The following SPPL3 variants were observed in gnomAD, a reference collection of about 807,000 sequenced individuals.
SPPL3 encodes the protein signal peptide peptidase like 3.
Under a neutral mutation model 42.4 loss-of-function variants are expected in SPPL3, and 5 were observed. The observed-to-expected ratio is 0.12, with a 90% CI of 0.06 to 0.25. The LOEUF (loss-of-function observed/expected upper bound fraction) is 0.25. Ranked by LOEUF, SPPL3 falls within the 10% of genes least tolerant of loss-of-function variation. The pLI, the probability that SPPL3 is intolerant of heterozygous loss-of-function variation, is 1.00. For synonymous variants in SPPL3, 195 were observed against 181.8 expected (o/e 1.07, Z -0.58); for missense variants, 235 against 489.0 (o/e 0.48, Z 4.90).
intron 1 of SPPL3, among the ~76,000 whole-genome samples, chr12:120,827,955 T>C (rs577376558): frequency 5.5e-4 from 84 of 152,240 alleles, no homozygotes; most frequent in Non-Finnish European, 9.9e-4. Context: ...ACCTAGCTAA[T>C]TTTTGTATTT....
At chr12:120,877,103 C>T (rs1470214159) in intron 1 of SPPL3, among the ~76,000 whole-genome samples, 5 of 151,782 alleles carry the variant, frequency 3.3e-5, no homozygotes, top group Non-Finnish European at 5.9e-5. Context: ...AATTAGACTA[C>T]GTAGATGAAA....
chr12:120,838,168 G>A (rs923382642), intron 1 of SPPL3, among the ~76,000 whole-genome samples: 1 of 152,194 alleles, frequency 6.6e-6, no homozygotes, highest in African/African-American at 2.4e-5. Context: ...ACATAGACAC[G>A]AAAGGCTAGA....
At chr12:120,815,849 C>A (rs1347227568) in intron 1 of SPPL3, among the ~76,000 whole-genome samples, 4 of 152,124 alleles carry the variant, frequency 2.6e-5, no homozygotes, top group Non-Finnish European at 2.9e-5. Context: ...CTGCCTCAGC[C>A]TCCCAAGTAG....
intron 1 of SPPL3, among the ~76,000 whole-genome samples, chr12:120,844,825 C>A (rs920703540): frequency 6.6e-6 from 1 of 151,928 alleles, no homozygotes; most frequent in Admixed American, 6.6e-5. Context: ...GGCCTACATC[C>A]CCTCTCAGCA....
chr12:120,841,409 T>A (rs1379667620), intron 1 of SPPL3, among the ~76,000 whole-genome samples: 1 of 140,852 alleles, frequency 7.1e-6, no homozygotes, highest in African/African-American at 2.8e-5. Context: ...GCTAGTGTAC[T>A]TTTAAGTTAA....
Position 120,810,831 on chromosome 12 carries a change from G to C in SPPL3, c.79C>G (p.Leu27Val). 1 of 1,612,550 alleles carries C rather than the reference G, an allele frequency of 6.2e-7. No homozygotes were observed. The highest frequency in any genetic ancestry group is 2.2e-5 in the East Asian group (1 of 44,798). ...TACCTGAAACTACCATAGACTATAA[G>C]AAGAATGGAAATCAGAAATGTAGAC... ...QVSTFLISIL[L>V]IVYGSFRSLN... The change falls in exon 2 of 11, where the codon CTT (leucine) becomes GTT (valine). Residue 27 changes from leucine (L) to valine (V), a missense_variant. Coordinates refer to ENST00000353487, the MANE Select transcript of SPPL3 (RefSeq NM_139015.5).
rs1164272443 is a variant in SPPL3 at position 120,779,820 on chromosome 12, C to CAAAAAAAAAAAAAAA, written c.502+2820_502+2834dup. Among the ~76,000 whole-genome samples the CAAAAAAAAAAAAAAA allele has an allele frequency of 2.1e-4, 9 of 42,774 alleles. 1 individual carries two copies. Among genetic ancestry groups the CAAAAAAAAAAAAAAA allele is most frequent in the Admixed American group, 7.3e-4 (2 of 2,752 alleles). 28.1% of individuals were successfully genotyped at this position (42,774 alleles called of 152,430 possible). A position where few individuals can be genotyped will look rare whatever the true frequency, so the allele number is the denominator to read the frequency against. On this transcript the variant is annotated intron_variant, in intron 6 of 10. Transcript: ENST00000353487. ...CGAAACCTTGTCTCTACTAAAAATA[C>CAAAAAAAAAAAAAAA]AAAAAAAAAAAAAAAAAAAAAAAAA...
Position 120,819,120 on chromosome 12 carries a change from GA to G in SPPL3, c.24-8235del, listed in dbSNP as rs530361221. ...GAAGGAGTACTTCATAGCCTTTTCAGATAACTATCAATATTCTTCTTTGATA... is the reference window on the plus strand; with the variant it reads ...GAAGGAGTACTTCATAGCCTTTTCAGTAACTATCAATATTCTTCTTTGATA... On this transcript the variant is annotated intron_variant, in intron 1 of 10. Transcript: ENST00000353487. Among the ~76,000 whole-genome samples, 693 of 152,286 alleles carry G rather than the reference GA, an allele frequency of 4.6e-3. 7 individuals carry two copies. Among genetic ancestry groups the G allele is most frequent in the Middle Eastern group, 0.014 (4 of 294 alleles).
At chr12:120,779,184 T>C (rs1000694347) in intron 6 of SPPL3, among the ~76,000 whole-genome samples, 2 of 152,216 alleles carry the variant, frequency 1.3e-5, no homozygotes, top group African/African-American at 4.8e-5. Context: ...ATAAGATCAG[T>C]ACTTAGAAAC....
At chr12:120,885,870 TTGAGACA>T (rs1873437709) in intron 1 of SPPL3, among the ~76,000 whole-genome samples, 1 of 103,428 alleles carries the variant, frequency 9.7e-6, no homozygotes, top group East Asian at 2.9e-4. Flanking sequence ...TTTTTTTTTT[TTGAGACA>T]GAGTTTTGCT....
intron 1 of SPPL3, among the ~76,000 whole-genome samples, chr12:120,853,976 GCACACATACACACA>G (rs1160959270): frequency 9.4e-5 from 6 of 64,146 alleles, no homozygotes; most frequent in Non-Finnish European, 1.8e-4. Context: ...CCACACACAC[GCACACATACACACA>G]CACACACACA....
intron 1 of SPPL3, among the ~76,000 whole-genome samples, chr12:120,841,011 C>T (rs1242834859): frequency 6.6e-6 from 1 of 151,870 alleles, no homozygotes; most frequent in Non-Finnish European, 1.5e-5. Context: ...ATGAATTTTA[C>T]GGTCCGTGAA....
chr12:120,880,003 A>C (rs1483560130), intron 1 of SPPL3, among the ~76,000 whole-genome samples: 1 of 147,850 alleles, frequency 6.8e-6, no homozygotes, highest in Non-Finnish European at 1.5e-5. Context: ...TTCACTTTTC[A>C]TTCCTCGGTT....
intron 2 of SPPL3, among the ~76,000 whole-genome samples, chr12:120,796,113 C>A (rs148818068): frequency 6.6e-6 from 1 of 152,106 alleles, no homozygotes; most frequent in African/African-American, 2.4e-5. Flanking sequence ...CAGTGGTTCA[C>A]GACTGTGATC....
intron 1 of SPPL3, among the ~76,000 whole-genome samples, chr12:120,818,097 T>C (rs1870940421): frequency 6.6e-6 from 1 of 152,176 alleles, no homozygotes; most frequent in African/African-American, 2.4e-5. Flanking sequence ...TCAACAGAAA[T>C]GTGTCATTCT....
At chr12:120,826,222 G>T (rs1027955956) in intron 1 of SPPL3, among the ~76,000 whole-genome samples, 2 of 150,716 alleles carry the variant, frequency 1.3e-5, no homozygotes, top group African/African-American at 4.9e-5. Context: ...GAACCTGGGA[G>T]GCAGAGGTGG....
chr12:120,774,017 T>C (rs549618454), intron 6 of SPPL3, among the ~76,000 whole-genome samples: 4 of 152,342 alleles, frequency 2.6e-5, no homozygotes, highest in African/African-American at 9.6e-5. Context: ...ATTCATCTCA[T>C]GCTAATCCTC....
At chr12:120,792,526 C>T (rs553655459) in intron 2 of SPPL3, among the ~76,000 whole-genome samples, 49 of 151,770 alleles carry the variant, frequency 3.2e-4, no homozygotes, top group African/African-American at 1.0e-3. Flanking sequence ...ATGGTGAAAC[C>T]CCGTTTCTAC....
intron 1 of SPPL3, among the ~76,000 whole-genome samples, chr12:120,817,042 C>G (rs1380293832): frequency 6.6e-6 from 1 of 151,874 alleles, no homozygotes; most frequent in Middle Eastern, 3.2e-3. Context: ...GTAATTTTGA[C>G]ACTCTAGGAG....
Sources: gnomAD v4.1 joint callset for allele counts (sites outside exome capture counted in the v4.1 genomes callset) on GRCh38, gnomAD v4.1.1 for gene constraint, MANE v1.5 for transcripts, NCBI Gene and HGNC (gene_info 2026-07-23, HGNC 2026-07-21) for gene names.